Variants in KIF16B observed in about 807,000 individuals in gnomAD.
KIF16B encodes the protein kinesin-like protein KIF16B.
A neutral mutation model predicts 156.3 loss-of-function variants in KIF16B; 98 were observed. The ratio of observed to expected loss-of-function variants is 0.63; its 90% CI spans 0.53 to 0.74. The LOEUF (loss-of-function observed/expected upper bound fraction) is 0.74. Among genes scored for constraint, KIF16B ranks in the 30% least tolerant of loss-of-function variants. The pLI, the probability that KIF16B is intolerant of heterozygous loss-of-function variation, is 0.00. For missense variants in KIF16B, 1,421 were observed against 1,606.5 expected (o/e 0.88, Z 1.97); for synonymous variants, 564 against 583.7 (o/e 0.97, Z 0.49).
intron 12 of KIF16B, among the ~76,000 whole-genome samples, chr20:16,471,038 A>T (rs567667982): frequency 4.0e-4 from 61 of 152,228 alleles, no homozygotes; most frequent in African/African-American, 1.3e-3. Flanking sequence ...AAAGACAGGG[A>T]AGAGACATTG....
intron 12 of KIF16B, among the ~76,000 whole-genome samples, chr20:16,444,924 T>G (rs1000602992): frequency 6.6e-6 from 1 of 152,234 alleles, no homozygotes; most frequent in Non-Finnish European, 1.5e-5. Flanking sequence ...CTAAATAAAC[T>G]AAGTTCTTTA....
intron 9 of KIF16B, among the ~76,000 whole-genome samples, chr20:16,505,423 T>A (rs1366685508): frequency 6.6e-6 from 1 of 152,236 alleles, no homozygotes; most frequent in Non-Finnish European, 1.5e-5. Flanking sequence ...TGTGTTCCTA[T>A]GATTTTTCTC....
chr20:16,365,233 T>TA (rs1337097076), intron 22 of KIF16B, among the ~76,000 whole-genome samples: 4 of 152,190 alleles, frequency 2.6e-5, no homozygotes, highest in East Asian at 1.9e-4. Context: ...TTTAAAAAGT[T>TA]AAAAAAATAA....
rs371281970 is a variant in KIF16B, at chr20:16,349,831, C to T, written c.3621+6499G>A. ...TCTTTTAAGTTCAGGGAGGACTCAG[C>T]AGATGAGATCTCTTGGCCCTAAGTG... is the stretch of plus-strand genomic sequence containing the variant. On this transcript the variant is annotated intron_variant, in intron 23 of 25. Transcript: ENST00000354981. 2.0e-4 allele frequency among the ~76,000 whole-genome samples: 31 copies of T among 152,340 alleles called. No homozygotes were observed. The South Asian group carries it at 6.4e-3, about 32-fold the overall frequency.
intron 1 of KIF16B, among the ~76,000 whole-genome samples, chr20:16,566,710 AGCC>A (rs1422109773): frequency 6.6e-6 from 1 of 152,256 alleles, no homozygotes; most frequent in African/African-American, 2.4e-5. Flanking sequence ...CTGGAATTCA[AGCC>A]TTTATTCAGA....
chr20:16,409,837 T>C (rs980055254), intron 15 of KIF16B, among the ~76,000 whole-genome samples: 20 of 149,310 alleles, frequency 1.3e-4, no homozygotes, highest in African/African-American at 4.0e-4. Context: ...AAATCATGAG[T>C]TTGGTTTTGG....
chr20:16,364,059 T>A (rs2064606303), intron 22 of KIF16B, among the ~76,000 whole-genome samples: 1 of 152,274 alleles, frequency 6.6e-6, no homozygotes, highest in East Asian at 1.9e-4. Flanking sequence ...TACAAAGCTT[T>A]AAATCATCTG....
intron 1 of KIF16B, among the ~76,000 whole-genome samples, chr20:16,545,861 A>G (rs2070385557): frequency 6.6e-6 from 1 of 151,768 alleles, no homozygotes; most frequent in Non-Finnish European, 1.5e-5. Flanking sequence ...CCCTCTTCCC[A>G]GTTTTATCTC....
At chr20:16,490,323 C>A (rs2068250663) in intron 12 of KIF16B, among the ~76,000 whole-genome samples, 1 of 152,034 alleles carries the variant, frequency 6.6e-6, no homozygotes, top group Non-Finnish European at 1.5e-5. Flanking sequence ...GGTGGATCAC[C>A]TGAGATCAGG....
At chr20:16,312,772 AC>A (rs948032076) in intron 24 of KIF16B, among the ~76,000 whole-genome samples, 6 of 105,618 alleles carry the variant, frequency 5.7e-5, no homozygotes, top group African/African-American at 2.5e-4. Context: ...CAGTCCTCCC[AC>A]CCTTTTTTTT....
intron 25 of KIF16B, among the ~76,000 whole-genome samples, chr20:16,291,957 G>A (rs975424836): frequency 9.9e-5 from 15 of 152,142 alleles, no homozygotes; most frequent in Non-Finnish European, 1.5e-4. Context: ...GGGGTCTACT[G>A]GGGCTGTGTT....
chr20:16,373,853 A>T (rs1192878081), intron 20 of KIF16B, among the ~76,000 whole-genome samples: 1 of 152,214 alleles, frequency 6.6e-6, no homozygotes, highest in Non-Finnish European at 1.5e-5. Context: ...CCTCCCTATT[A>T]GTGGTTCCAC....
chr20:16,467,446 G>C (rs1465332741), intron 12 of KIF16B, among the ~76,000 whole-genome samples: 1 of 152,100 alleles, frequency 6.6e-6, no homozygotes, highest in African/African-American at 2.4e-5. Flanking sequence ...ATCAGAACCA[G>C]GGTTCCATAA....
At chr20:16,467,364 A>T (rs2146722695) in intron 12 of KIF16B, among the ~76,000 whole-genome samples, 1 of 152,268 alleles carries the variant, frequency 6.6e-6, no homozygotes, top group South Asian at 2.1e-4. Flanking sequence ...CCAGTACATC[A>T]TGACCACCTT....
chr20:16,331,055 T>G (rs1312376702), intron 24 of KIF16B, among the ~76,000 whole-genome samples: 1 of 152,206 alleles, frequency 6.6e-6, no homozygotes, highest in African/African-American at 2.4e-5. Flanking sequence ...TCTTGTCCTG[T>G]GTCCTTCCCA....
At chr20:16,565,580 G>A (rs1005473626) in intron 1 of KIF16B, among the ~76,000 whole-genome samples, 6 of 152,096 alleles carry the variant, frequency 3.9e-5, no homozygotes, top group African/African-American at 7.2e-5. Context: ...GCCTGAACCC[G>A]GCTCATGCAG....
chr20:16,359,719 C>T (rs1169963101), intron 22 of KIF16B, among the ~76,000 whole-genome samples: 1 of 151,234 alleles, frequency 6.6e-6, no homozygotes, highest in Non-Finnish European at 1.5e-5. Flanking sequence ...TGAGTAAGGA[C>T]CAGGTATTTG....
At chr20:16,305,167 G>T (rs533959066) in intron 25 of KIF16B, among the ~76,000 whole-genome samples, 1 of 152,072 alleles carries the variant, frequency 6.6e-6, no homozygotes, top group Non-Finnish European at 1.5e-5. Context: ...GTTAGGAACC[G>T]GCCTGGCATT....
Position 16,381,760 on chromosome 20 carries a change from A to G in KIF16B, c.1785-13T>C, listed in dbSNP as rs375114787. ...CTCAAATTCAAGTCTAATAAAATCAAATGAAAATGAGTCACTTTTCTAAAG... is the reference window on the plus strand; with the variant it reads ...CTCAAATTCAAGTCTAATAAAATCAGATGAAAATGAGTCACTTTTCTAAAG... On this transcript the variant is annotated splice_polypyrimidine_tract_variant and intron_variant, in intron 17 of 25. Transcript: ENST00000354981. 3.7e-6 allele frequency: 6 copies of G among 1,603,616 alleles called. No homozygotes were observed. The highest frequency in any genetic ancestry group is 5.1e-6 in the Non-Finnish European group (6 of 1,172,290).
Sources: gnomAD v4.1 joint callset for allele counts (sites outside exome capture counted in the v4.1 genomes callset) on GRCh38, gnomAD v4.1.1 for gene constraint, MANE v1.5 for transcripts, NCBI Gene and HGNC (gene_info 2026-07-23, HGNC 2026-07-21) for gene names.